FAM120B: variants seen among roughly 807,000 people sequenced by gnomAD.
FAM120B encodes family with sequence similarity 120 member B.
FAM120B carries 83 observed loss-of-function variants against 96.3 expected under a neutral mutation model. The ratio of observed to expected loss-of-function variants is 0.86; its 90% CI spans 0.72 to 1.03. FAM120B has a LOEUF of 1.03. FAM120B is among the 50% of genes least tolerant of loss of function. FAM120B has a pLI of 0.00. For synonymous variants in FAM120B, 407 were observed against 402.7 expected (o/e 1.01, Z -0.13); for missense variants, 1,027 against 1,121.2 (o/e 0.92, Z 1.20).
intron 3 of FAM120B, among the ~76,000 whole-genome samples, chr6:170,324,695 C>A (rs959089898): frequency 6.6e-6 from 1 of 152,146 alleles, no homozygotes; most frequent in African/African-American, 2.4e-5. Flanking sequence ...CATAAAAAAA[C>A]CATTCACATT....
intron 3 of FAM120B, among the ~76,000 whole-genome samples, chr6:170,327,196 G>A (rs1309541842): frequency 2.6e-5 from 4 of 151,982 alleles, no homozygotes; most frequent in South Asian, 2.1e-4. Context: ...ACAGGCACCC[G>A]CCACCATGCC....
chr6:170,392,445 A>T (rs958373021), intron 8 of FAM120B, among the ~76,000 whole-genome samples: 64 of 152,210 alleles, frequency 4.2e-4, no homozygotes, highest in African/African-American at 1.5e-3. Context: ...TGACCTCGTG[A>T]TCCGCTGGTT....
chr6:170,332,004 C>T (rs1211939077), intron 4 of FAM120B, among the ~76,000 whole-genome samples: 1 of 152,204 alleles, frequency 6.6e-6, no homozygotes, highest in African/African-American at 2.4e-5. Context: ...ACGTCTCAGA[C>T]ACATTCATTT....
chr6:170,321,037 G>A (rs1484232618), intron 2 of FAM120B, among the ~76,000 whole-genome samples: 1 of 152,228 alleles, frequency 6.6e-6, no homozygotes, highest in African/African-American at 2.4e-5. Context: ...GTTTGGCAGT[G>A]GAAGAGACTT....
chr6:170,374,170 A>C (rs574446140), intron 6 of FAM120B, among the ~76,000 whole-genome samples: 2 of 152,324 alleles, frequency 1.3e-5, no homozygotes, highest in South Asian at 4.2e-4. Flanking sequence ...AAGTTCTCTG[A>C]CTTGGCAAGA....
intron 8 of FAM120B, among the ~76,000 whole-genome samples, chr6:170,392,801 T>C (rs1272294821): frequency 1.3e-5 from 2 of 152,172 alleles, no homozygotes; most frequent in East Asian, 3.9e-4. Flanking sequence ...TAGCACCCCA[T>C]GAAGGGAGAG....
At chr6:170,297,283 C>T (rs1437702486) in intron 1 of FAM120B, among the ~76,000 whole-genome samples, 2 of 152,200 alleles carry the variant, frequency 1.3e-5, no homozygotes, top group Non-Finnish European at 1.5e-5. Flanking sequence ...AGAGCGCGGC[C>T]GTGGAAGCTT....
intron 5 of FAM120B, among the ~76,000 whole-genome samples, chr6:170,351,198 A>C (rs547288114): frequency 6.6e-6 from 1 of 152,354 alleles, no homozygotes; most frequent in East Asian, 1.9e-4. Flanking sequence ...GGAATCTCAG[A>C]GCTCGAAGAC....
At chr6:170,343,648 A>G (rs1366153254) in intron 4 of FAM120B, among the ~76,000 whole-genome samples, 1 of 152,006 alleles carries the variant, frequency 6.6e-6, no homozygotes, top group Non-Finnish European at 1.5e-5. Flanking sequence ...CTTTTTGTTG[A>G]AACTCAGCAG....
intron 1 of FAM120B, among the ~76,000 whole-genome samples, chr6:170,316,670 T>C (rs1784922547): frequency 6.6e-6 from 1 of 152,208 alleles, no homozygotes; most frequent in Non-Finnish European, 1.5e-5. Flanking sequence ...TTATGTGGCC[T>C]TCTTAACACC....
At position 170,404,584 on chromosome 6, in the gene FAM120B, G is replaced by C. The variant is rs749321259; in HGVS notation, c.2727G>C (p.Arg909Ser). The change falls in exon 10 of 11, where the codon AGG (arginine) becomes AGC (serine). Residue 909 changes from arginine to serine, a missense_variant. Around this residue, in one of 3 missense-constraint regions of FAM120B, gnomAD observed 142 missense variants for 122.5 expected, o/e 1.16. Coordinates refer to ENST00000476287, the MANE Select transcript of FAM120B (RefSeq NM_032448.3). ...SRQYEHDQWR[R>S]Y Reference sequence around the variant, plus strand: ...AGTATGAGCATGACCAGTGGAGAAGGTACTAGTCAACCTCCAGGTAAGTTC... The same window carrying C: ...AGTATGAGCATGACCAGTGGAGAAGCTACTAGTCAACCTCCAGGTAAGTTC... 1 of 1,613,656 alleles carries C rather than the reference G, an allele frequency of 6.2e-7. No individual in the cohort carries two copies. The highest frequency in any genetic ancestry group is 2.2e-5 in the East Asian group (1 of 44,886).
intron 1 of FAM120B, among the ~76,000 whole-genome samples, chr6:170,311,987 A>T (rs993400941): frequency 2.6e-5 from 4 of 152,230 alleles, no homozygotes; most frequent in African/African-American, 9.6e-5. Flanking sequence ...TATGGCGTGC[A>T]ATATCAGAAA....
chr6:170,362,496 G>T (rs903713991), intron 6 of FAM120B, among the ~76,000 whole-genome samples: 1 of 152,102 alleles, frequency 6.6e-6, no homozygotes, highest in Non-Finnish European at 1.5e-5. Flanking sequence ...AGATCATTTT[G>T]TAAAGTCCTC....
At chr6:170,339,874 G>T (rs1786699624) in intron 4 of FAM120B, among the ~76,000 whole-genome samples, 1 of 152,038 alleles carries the variant, frequency 6.6e-6, no homozygotes, top group Admixed American at 6.6e-5. Context: ...AGTCTGATGG[G>T]CTTCCCTTTG....
chr6:170,404,107 A>C (rs140254898), intron 9 of FAM120B: 2 of 160,388 alleles, frequency 1.2e-5, no homozygotes, highest in African/African-American at 4.8e-5. Context: ...TTCTGCCCCG[A>C]GTCTCTTCCC....
intron 5 of FAM120B, among the ~76,000 whole-genome samples, chr6:170,350,699 A>G (rs921204258): frequency 6.6e-6 from 1 of 152,228 alleles, no homozygotes; most frequent in East Asian, 1.9e-4. Flanking sequence ...ACAGCCCTAC[A>G]GTAGAATGGC....
upstream of FAM120B, among the ~76,000 whole-genome samples, chr6:170,292,519 C>T (rs1003106840): frequency 8.5e-5 from 13 of 152,204 alleles, no homozygotes; most frequent in African/African-American, 2.9e-4. This position sits in a 1 kb window ranked among gnomAD's most constrained non-coding sequence, Gnocchi z 6.6. Flanking sequence ...GCCACAGTGT[C>T]CTCACTGTAG....
intron 1 of FAM120B, among the ~76,000 whole-genome samples, chr6:170,296,588 G>T (rs1191965116): frequency 6.6e-6 from 1 of 151,770 alleles, no homozygotes; most frequent in Non-Finnish European, 1.5e-5. Flanking sequence ...CCGGCCCCGG[G>T]CTGTGCGAGG....
intron 6 of FAM120B, among the ~76,000 whole-genome samples, chr6:170,369,330 G>T (rs1789025250): frequency 6.6e-6 from 1 of 152,178 alleles, no homozygotes; most frequent in East Asian, 1.9e-4. Context: ...AACTCAGGAT[G>T]CCTGGAACCA....
Sources: gnomAD v4.1 joint callset for allele counts (sites outside exome capture counted in the v4.1 genomes callset) on GRCh38, gnomAD v4.1.1 for gene constraint, gnomAD v4.1.1 regional missense constraint, Gnocchi (gnomAD v3.1) non-coding constraint, MANE v1.5 for transcripts, NCBI Gene and HGNC (gene_info 2026-07-23, HGNC 2026-07-21) for gene names.